The following KIRREL3 variants were observed in gnomAD, a reference collection of about 807,000 sequenced individuals.
KIRREL3 encodes kin of IRRE-like protein 3.
KIRREL3 carries 36 observed loss-of-function variants against 89.7 expected under a neutral mutation model. The observed-to-expected ratio is 0.40, with a 90% confidence interval of 0.31 to 0.53. KIRREL3 has a LOEUF of 0.53. KIRREL3 is among the 20% of genes least tolerant of loss of function. The probability of loss-of-function intolerance (pLI) is 0.49; values close to 1 mark genes in which losing one functional copy is unlikely to be tolerated. For synonymous variants in KIRREL3, 445 were observed against 441.4 expected (o/e 1.01, Z -0.10); for missense variants, 864 against 1,056.6 (o/e 0.82, Z 2.53).
At chr11:126,968,582 T>C (rs114408945) in intron 1 of KIRREL3, among the ~76,000 whole-genome samples, 1,956 of 152,294 alleles carry the variant, frequency 0.013, 39 homozygotes, top group African/African-American at 0.044. Context: ...GGGGCACATA[T>C]AAATGCTAAC....
At chr11:126,868,442 A>G (rs1203003300) in intron 1 of KIRREL3, among the ~76,000 whole-genome samples, 2 of 152,084 alleles carry the variant, frequency 1.3e-5, no homozygotes, top group East Asian at 3.9e-4. Flanking sequence ...GGTGGAGAGC[A>G]AAGGAGGGCT....
At position 126,574,462 on chromosome 11, in the gene KIRREL3, A is replaced by T. The variant is rs557364542; in HGVS notation, c.56-11550T>A. ...AACCTCAAACAGGTCCAGGGGAGCG[A>T]TTCTGAGCCACCAGCCATCACTCAA... On this transcript the variant is annotated intron_variant, in intron 1 of 16. Transcript: ENST00000525144. This position sits in a 1 kb window ranked among gnomAD's most constrained non-coding sequence, Gnocchi z 5.3. Among the ~76,000 whole-genome samples the T allele has an allele frequency of 2.5e-4, 38 of 152,320 alleles. No homozygotes were observed. The highest frequency in any genetic ancestry group is 8.4e-4 in the African/African-American group (35 of 41,578).
At chr11:126,936,991 C>T (rs1948216942) in intron 1 of KIRREL3, 1 of 152,198 alleles carries the variant, frequency 6.6e-6, no homozygotes, top group South Asian at 2.1e-4. Context: ...AGGGCACACA[C>T]TAAGAACACT....
chr11:126,888,739 T>C (rs923075360), intron 1 of KIRREL3, among the ~76,000 whole-genome samples: 2 of 152,180 alleles, frequency 1.3e-5, no homozygotes, highest in African/African-American at 4.8e-5. Flanking sequence ...CAATAAACAT[T>C]GCAGACTGAC....
At chr11:126,671,325 C>A (rs1020754959) in intron 1 of KIRREL3, among the ~76,000 whole-genome samples, 6 of 151,622 alleles carry the variant, frequency 4.0e-5, no homozygotes, top group Non-Finnish European at 8.8e-5. Flanking sequence ...GCCTCAGCCT[C>A]CTGAGTAGCT....
Position 126,553,265 on chromosome 11 carries a change from A to G in KIRREL3, c.133+9570T>C, listed in dbSNP as rs1245440635. On this transcript the variant is annotated intron_variant, in intron 2 of 16. Transcript: ENST00000525144. This position sits in a 1 kb window ranked among gnomAD's most constrained non-coding sequence, Gnocchi z 4.7. The stretch of plus-strand genomic sequence containing the variant: ...AAATGCATACAATATCTTCTGTTCC[A>G]TTTTTTTTTAAATGACACTCTGAGC... Among the ~76,000 whole-genome samples the G allele has an allele frequency of 6.6e-6, 1 of 151,188 alleles. No individual in the cohort carries two copies. Among genetic ancestry groups the G allele is most frequent in the African/African-American group, 2.4e-5 (1 of 41,120 alleles).
chr11:126,527,124 C>T lies in KIRREL3; in HGVS notation c.134-437G>A, dbSNP rs533781625. ...GGTGGCTGTGTGTTAAGAAGGGGGT[C>T]GATGGAGAGTGGTGCGGCTTTGGTT... On this transcript the variant is annotated intron_variant, in intron 2 of 16. Transcript: ENST00000525144. This position sits in a 1 kb window ranked among gnomAD's most constrained non-coding sequence, Gnocchi z 4.2. Among the ~76,000 whole-genome samples, 62 of 152,108 alleles carry T rather than the reference C, an allele frequency of 4.1e-4. 1 individual carries two copies. The highest frequency in any genetic ancestry group is 1.3e-3 in the African/African-American group (53 of 41,490).
Position 126,991,979 on chromosome 11 carries a change from T to C in KIRREL3, c.55+8476A>G, listed in dbSNP as rs1950045664. 6.6e-6 allele frequency among the ~76,000 whole-genome samples: 1 copy of C among 152,208 alleles called. No individual in the cohort carries two copies. Among genetic ancestry groups the C allele is most frequent in the Non-Finnish European group, 1.5e-5 (1 of 68,038 alleles). On this transcript the variant is annotated intron_variant, in intron 1 of 16. Transcript: ENST00000525144. The surrounding 1 kb of genome is among the most constrained non-coding windows in gnomAD (Gnocchi z 5.8). Reference sequence around the variant, plus strand: ...GACAGCAATAATGCCCACTTCTCATTACTTCTGCTGATGAAATGAGGTAGT... The same window carrying C: ...GACAGCAATAATGCCCACTTCTCATCACTTCTGCTGATGAAATGAGGTAGT...
rs1254132639 is a variant in KIRREL3, at chr11:126,876,724, G to A, written c.55+123731C>T. Among the ~76,000 whole-genome samples, 1 of 151,988 alleles carries A rather than the reference G, an allele frequency of 6.6e-6. No homozygotes were observed. ...AGCTAATTTTTTTGTATTTTTAGTA[G>A]AGATGGGGTTTCACCATGTTGGCCA... On this transcript the variant is annotated intron_variant, in intron 1 of 16. Transcript: ENST00000525144. This position sits in a 1 kb window ranked among gnomAD's most constrained non-coding sequence, Gnocchi z 4.1.
chr11:126,545,032 A>G (rs1468120479), intron 2 of KIRREL3, among the ~76,000 whole-genome samples: 1 of 152,172 alleles, frequency 6.6e-6, no homozygotes, highest in Non-Finnish European at 1.5e-5. Flanking sequence ...AATTATTTGG[A>G]TCAAATGCAG....
rs772341313 is a variant in KIRREL3, at chr11:126,664,346, C to A, written c.56-101434G>T. 3.9e-5 allele frequency among the ~76,000 whole-genome samples: 6 copies of A among 151,950 alleles called. No homozygotes were observed. The highest frequency in any genetic ancestry group is 7.4e-5 in the Non-Finnish European group (5 of 68,006). On this transcript the variant is annotated intron_variant, in intron 1 of 16. Coordinates refer to ENST00000525144, the MANE Select transcript of KIRREL3 (RefSeq NM_032531.4). The surrounding 1 kb of genome is among the most constrained non-coding windows in gnomAD (Gnocchi z 5.4). Reference sequence around the variant, plus strand: ...ACCTATCCTTGTCCTATGTGACAGGCAGGGCAAGAGTAAGAGAGCAGGCAC... The same window carrying A: ...ACCTATCCTTGTCCTATGTGACAGGAAGGGCAAGAGTAAGAGAGCAGGCAC...
In KIRREL3 at chr11:126,643,818, C is replaced by T. The variant is rs542798452; in HGVS notation, c.56-80906G>A. 9.2e-5 allele frequency among the ~76,000 whole-genome samples: 14 copies of T among 152,074 alleles called. No individual in the cohort carries two copies. The South Asian group carries it at 2.9e-3, about 32-fold the overall frequency. On this transcript the variant is annotated intron_variant, in intron 1 of 16. Coordinates refer to ENST00000525144, the MANE Select transcript of KIRREL3 (RefSeq NM_032531.4). This position sits in a 1 kb window ranked among gnomAD's most constrained non-coding sequence, Gnocchi z 4.5. Reference sequence around the variant, plus strand: ...AAAAGAGTTATTATGAACTGGTGACCAAAAAGATGAAGAGAATGAGGGGAG... The same window carrying T: ...AAAAGAGTTATTATGAACTGGTGACTAAAAAGATGAAGAGAATGAGGGGAG...
chr11:126,734,874 G>A lies in KIRREL3; in HGVS notation c.56-171962C>T, dbSNP rs372414604. ...AATGGGAGTTAGGGGTGGTTGGGGA[G>A]GACAGTGTTAATTGTGGCAGGATGG... On this transcript the variant is annotated intron_variant, in intron 1 of 16. Coordinates refer to ENST00000525144, the MANE Select transcript of KIRREL3 (RefSeq NM_032531.4). This position sits in a 1 kb window ranked among gnomAD's most constrained non-coding sequence, Gnocchi z 5.9. Among the ~76,000 whole-genome samples, 17 of 152,236 alleles carry A rather than the reference G, an allele frequency of 1.1e-4. No individual in the cohort carries two copies. In the East Asian group the frequency reaches 2.7e-3, roughly 24 times the overall value.
intron 4 of KIRREL3, among the ~76,000 whole-genome samples, chr11:126,479,047 T>C (rs1324957255): frequency 6.6e-6 from 1 of 152,090 alleles, no homozygotes; most frequent in African/African-American, 2.4e-5. Flanking sequence ...GAACATAGGA[T>C]GGGAGAGGGC....
intron 4 of KIRREL3, among the ~76,000 whole-genome samples, chr11:126,517,070 A>G (rs938627505): frequency 4.0e-5 from 6 of 151,874 alleles, no homozygotes; most frequent in African/African-American, 1.5e-4. Flanking sequence ...TCCATCTCAA[A>G]AAACAAAAAA....
At position 126,901,251 on chromosome 11, in the gene KIRREL3, T is replaced by C. The variant is rs538104251; in HGVS notation, c.55+99204A>G. 5.3e-5 allele frequency among the ~76,000 whole-genome samples: 8 copies of C among 150,556 alleles called. No individual in the cohort carries two copies. In the South Asian group the frequency reaches 1.3e-3, roughly 24 times the overall value. ...AAAAAAAGACTCTGGGATATTCCTA[T>C]AACCAGCACAGCACATAGAACCTGC... On this transcript the variant is annotated intron_variant, in intron 1 of 16. Coordinates refer to ENST00000525144, the MANE Select transcript of KIRREL3 (RefSeq NM_032531.4).
At chr11:126,733,731 T>C (rs1248214735) in intron 1 of KIRREL3, among the ~76,000 whole-genome samples, 1 of 152,240 alleles carries the variant, frequency 6.6e-6, no homozygotes, top group Non-Finnish European at 1.5e-5. Context: ...TAATATTTTA[T>C]GAATTTCCCT....
At position 126,463,952 on chromosome 11, in the gene KIRREL3, T is replaced by C. The variant is rs773418950; in HGVS notation, c.592-645A>G. ...ATCTCCCATTGGATAGGGGAGGAAA[T>C]AGGTGGGCTAGACAGAGGCTATGGA... On this transcript the variant is annotated intron_variant, in intron 5 of 16. Coordinates refer to ENST00000525144, the MANE Select transcript of KIRREL3 (RefSeq NM_032531.4). This position sits in a 1 kb window ranked among gnomAD's most constrained non-coding sequence, Gnocchi z 5.9. Among the ~76,000 whole-genome samples, 2 of 152,054 alleles carry C rather than the reference T, an allele frequency of 1.3e-5. No individual in the cohort carries two copies. Among genetic ancestry groups the C allele is most frequent in the Non-Finnish European group, 2.9e-5 (2 of 68,012 alleles).
At chr11:126,493,120 AT>A (rs1205299557) in intron 4 of KIRREL3, among the ~76,000 whole-genome samples, 3 of 152,200 alleles carry the variant, frequency 2.0e-5, no homozygotes, top group African/African-American at 7.2e-5. Flanking sequence ...ACCTGCCTCT[AT>A]CTCATGGCCT....
Sources: allele counts gnomAD v4.1 joint callset (sites outside exome capture counted in the v4.1 genomes callset), GRCh38; gene constraint gnomAD v4.1.1; non-coding constraint Gnocchi (gnomAD v3.1); transcripts MANE v1.5; gene names NCBI Gene and HGNC (gene_info 2026-07-23, HGNC 2026-07-21).